The following ERG variants were observed in gnomAD, a reference collection of about 807,000 sequenced individuals.
ERG encodes transcriptional regulator ERG.
A neutral mutation model predicts 55.3 loss-of-function variants in ERG; 9 were observed. The ratio of observed to expected loss-of-function variants is 0.16; its 90% CI spans 0.10 to 0.28. The LOEUF is 0.28. Ranked by LOEUF, ERG falls within the 10% of genes least tolerant of loss-of-function variation. The pLI, the probability that ERG is intolerant of heterozygous loss-of-function variation, is 1.00. For synonymous variants in ERG, 223 were observed against 237.3 expected (o/e 0.94, Z 0.55); for missense variants, 434 against 631.6 (o/e 0.69, Z 3.35).
intron 1 of ERG, among the ~76,000 whole-genome samples, chr21:38,470,517 A>G (rs1056751503): frequency 2.0e-5 from 3 of 152,220 alleles, no homozygotes; most frequent in Non-Finnish European, 4.4e-5. Flanking sequence ...TTTTTCTGTC[A>G]TAATTGCATT....
intron 2 of ERG, among the ~76,000 whole-genome samples, chr21:38,550,142 G>C (rs929806765): frequency 6.6e-6 from 1 of 152,176 alleles, no homozygotes; most frequent in African/African-American, 2.4e-5. Context: ...GAAATGCCAA[G>C]AGGATCCGGA....
At chr21:38,526,399 T>A (rs117125974) in intron 2 of ERG, among the ~76,000 whole-genome samples, 2,239 of 152,306 alleles carry the variant, frequency 0.015, 19 homozygotes, top group Non-Finnish European at 0.023. Context: ...TAGTAACAAC[T>A]GGAAACTACC....
upstream of ERG, among the ~76,000 whole-genome samples, chr21:38,588,763 G>A (rs1403393549): frequency 6.6e-6 from 1 of 152,068 alleles, no homozygotes; most frequent in Non-Finnish European, 1.5e-5. Flanking sequence ...TGTCATCCAG[G>A]CTGGTGTGCA....
intron 2 of ERG, among the ~76,000 whole-genome samples, chr21:38,513,842 A>G (rs2059532247): frequency 6.6e-6 from 1 of 152,142 alleles, no homozygotes; most frequent in Admixed American, 6.5e-5. Context: ...GATAAACAAA[A>G]CCAAATCTGG....
At chr21:38,655,759 AC>A (rs2060515314) in intron 1 of ERG, among the ~76,000 whole-genome samples, 1 of 152,200 alleles carries the variant, frequency 6.6e-6, no homozygotes. Context: ...GGGGACAACA[AC>A]ATGACCAACA....
chr21:38,435,140 C>A lies in ERG; in HGVS notation c.236+10264G>T, dbSNP rs76006139. ...AGAGAACCCCCACAAGGAGGCTGGC[C>A]CGGGACAAGCATTCCAGGCCTGTCT... On this transcript the variant is annotated intron_variant, in intron 2 of 9. Coordinates refer to ENST00000288319, the MANE Select transcript of ERG (RefSeq NM_182918.4). Among the ~76,000 whole-genome samples the A allele has an allele frequency of 4.0e-3, 615 of 152,110 alleles. 3 individuals carry two copies. The highest frequency in any genetic ancestry group is 0.015 in the African/African-American group (602 of 41,490).
intron 1 of ERG, among the ~76,000 whole-genome samples, chr21:38,608,264 AC>A (rs1385642091): frequency 6.6e-6 from 1 of 152,212 alleles, no homozygotes; most frequent in Non-Finnish European, 1.5e-5. Context: ...ACCTGATATA[AC>A]ATACCAAAAA....
At chr21:38,431,987 A>G (rs1042537819) in intron 2 of ERG, among the ~76,000 whole-genome samples, 1 of 152,244 alleles carries the variant, frequency 6.6e-6, no homozygotes, top group African/African-American at 2.4e-5. Context: ...AGAGAAGTCA[A>G]TGCAAAAACA....
At chr21:38,484,381 T>G (rs2059265038) in intron 1 of ERG, among the ~76,000 whole-genome samples, 1 of 152,184 alleles carries the variant, frequency 6.6e-6, no homozygotes, top group Admixed American at 6.5e-5. Context: ...TAGCTTGACT[T>G]TTTAACCTCT....
In ERG at chr21:38,528,196, C is replaced by T. The variant is rs1252972815; in HGVS notation, c.-41+47466G>A. Among the ~76,000 whole-genome samples, 3 of 152,174 alleles carry T rather than the reference C, an allele frequency of 2.0e-5. No homozygotes were observed. The South Asian group carries it at 6.2e-4, about 32-fold the overall frequency. On this transcript the variant is annotated intron_variant, in intron 2 of 8. Coordinates refer to the ERG transcript ENST00000398897. Reference sequence around the variant, plus strand: ...TCCAAATTTCCTCTTCTCATAAGGACACCAAGCACTGGATTAGGGGCCCAC... The same window carrying T: ...TCCAAATTTCCTCTTCTCATAAGGATACCAAGCACTGGATTAGGGGCCCAC...
intron 6 of ERG, among the ~76,000 whole-genome samples, chr21:38,399,038 G>A (rs775393228): frequency 6.6e-6 from 1 of 152,172 alleles, no homozygotes; most frequent in Non-Finnish European, 1.5e-5. Flanking sequence ...TCTAAAGCTT[G>A]AGTCAAACAT....
the ERG span, among the ~76,000 whole-genome samples, chr21:38,371,507 T>C: frequency 2.0e-5 from 3 of 152,094 alleles, no homozygotes; most frequent in Admixed American, 6.5e-5. Context: ...ATATTTGCTA[T>C]ACATTTTCTA....
At chr21:38,534,977 G>A (rs761682541) in intron 2 of ERG, among the ~76,000 whole-genome samples, 5 of 151,776 alleles carry the variant, frequency 3.3e-5, no homozygotes, top group Admixed American at 6.6e-5. Flanking sequence ...TTAAAGTTCC[G>A]AGGGACATGT....
chr21:38,488,220 G>A (rs989178556), intron 1 of ERG, among the ~76,000 whole-genome samples: 1 of 152,178 alleles, frequency 6.6e-6, no homozygotes, highest in Non-Finnish European at 1.5e-5. Flanking sequence ...GATCGCCAAA[G>A]GGGGTACCCT....
At chr21:38,406,658 T>A (rs758608924) in intron 3 of ERG, among the ~76,000 whole-genome samples, 1 of 148,734 alleles carries the variant, frequency 6.7e-6, no homozygotes, top group African/African-American at 2.5e-5. Context: ...GGGAGGACTA[T>A]TTTTTTTTTA....
At chr21:38,569,172 C>CG (rs1297845900) in intron 2 of ERG, among the ~76,000 whole-genome samples, 1 of 152,214 alleles carries the variant, frequency 6.6e-6, no homozygotes, top group African/African-American at 2.4e-5. Flanking sequence ...CTCTCCCTCC[C>CG]CCCCCACCCC....
Position 38,381,384 on chromosome 21 carries a change from A to G in ERG, c.*2019T>C, listed in dbSNP as rs745805213. On this transcript the variant is annotated 3_prime_UTR_variant, in exon 10 of 10. Transcript: ENST00000288319. ...ATTCAAAGAAAAGATGCCCAGGGAA[A>G]CTGACTCTAGATTATGGAAATAAAC... 142 of 1,063,164 alleles carry G rather than the reference A, an allele frequency of 1.3e-4. No homozygotes were observed. Among genetic ancestry groups the G allele is most frequent in the Non-Finnish European group, 1.6e-4 (140 of 878,066 alleles). 65.9% of individuals were successfully genotyped at this position (1,063,164 alleles called of 1,614,324 possible).
intron 2 of ERG, among the ~76,000 whole-genome samples, chr21:38,425,227 T>C (rs140998596): frequency 0.025 from 3,777 of 151,988 alleles, 131 homozygotes; most frequent in East Asian, 0.093. Context: ...TTACTAAAAA[T>C]ACAAAATTAG....
chr21:38,607,203 G>C (rs1176437411), intron 1 of ERG, among the ~76,000 whole-genome samples: 1 of 152,166 alleles, frequency 6.6e-6, no homozygotes, highest in Non-Finnish European at 1.5e-5. Flanking sequence ...TAACATTCAA[G>C]AGTGAGTATA....
Sources: allele counts gnomAD v4.1 joint callset (sites outside exome capture counted in the v4.1 genomes callset), GRCh38; gene constraint gnomAD v4.1.1; transcripts MANE v1.5; gene names NCBI Gene and HGNC (gene_info 2026-07-23, HGNC 2026-07-21).